Variants in PPP2R2C observed in about 807,000 individuals in gnomAD.
PPP2R2C encodes protein phosphatase 2, regulatory subunit B, gamma.
A neutral mutation model predicts 45.3 loss-of-function variants in PPP2R2C; 10 were observed. The ratio of observed to expected loss-of-function variants is 0.22; its 90% CI spans 0.14 to 0.37. PPP2R2C has a LOEUF of 0.37. PPP2R2C is among the 10% of genes least tolerant of loss of function. The probability of loss-of-function intolerance (pLI) is 1.00; values close to 1 mark genes in which losing one functional copy is unlikely to be tolerated. For missense variants in PPP2R2C, 308 were observed against 619.7 expected (o/e 0.50, Z 5.34); for synonymous variants, 257 against 245.4 (o/e 1.05, Z -0.44).
chr4:6,519,115 A>G (rs150826210), intron 2 of PPP2R2C, among the ~76,000 whole-genome samples: 1 of 152,240 alleles, frequency 6.6e-6, no homozygotes, highest in African/African-American at 2.4e-5. Flanking sequence ...CAGAATGGAG[A>G]GGATAGTGAG....
chr4:6,377,224 G>A (rs1431005343), intron 3 of PPP2R2C, among the ~76,000 whole-genome samples: 3 of 152,202 alleles, frequency 2.0e-5, no homozygotes, highest in Non-Finnish European at 4.4e-5. Flanking sequence ...AGCCTGGCTG[G>A]TGCTTGTGCA....
At chr4:6,546,575 C>A (rs941911097) in intron 1 of PPP2R2C, among the ~76,000 whole-genome samples, 1 of 152,176 alleles carries the variant, frequency 6.6e-6, no homozygotes, top group Non-Finnish European at 1.5e-5. Context: ...AGGCCTGCAC[C>A]CTTCACTAAG....
intron 8 of PPP2R2C, among the ~76,000 whole-genome samples, chr4:6,327,446 C>T (rs943854825): frequency 2.6e-5 from 4 of 152,222 alleles, no homozygotes; most frequent in Non-Finnish European, 4.4e-5. Context: ...ATCACCTGGC[C>T]GCGGGTGCCC....
At chr4:6,454,926 C>T (rs1273675715) in intron 1 of PPP2R2C, among the ~76,000 whole-genome samples, 1 of 152,168 alleles carries the variant, frequency 6.6e-6, no homozygotes, top group East Asian at 1.9e-4. Context: ...TATTATTTTG[C>T]CATGAAGACA....
chr4:6,332,664 C>T lies in PPP2R2C; in HGVS notation c.960+898G>A, dbSNP rs1732501555. Reference sequence around the variant, plus strand: ...CCCAGCCGAGAGACACCTCCCTCATCTCCCTACCTCTCAGTGCCCGAGTTC... The same window carrying T: ...CCCAGCCGAGAGACACCTCCCTCATTTCCCTACCTCTCAGTGCCCGAGTTC... On this transcript the variant is annotated intron_variant, in intron 7 of 8. Coordinates refer to ENST00000382599, the MANE Select transcript of PPP2R2C (RefSeq NM_020416.4). This position sits in a 1 kb window ranked among gnomAD's most constrained non-coding sequence, Gnocchi z 4.9. Among the ~76,000 whole-genome samples, 1 of 152,214 alleles carries T rather than the reference C, an allele frequency of 6.6e-6. No homozygotes were observed. Among genetic ancestry groups the T allele is most frequent in the African/African-American group, 2.4e-5 (1 of 41,464 alleles).
rs1253859838 is a variant in PPP2R2C, at chr4:6,345,651, G to A, written c.790+2195C>T. On this transcript the variant is annotated intron_variant, in intron 6 of 8. Coordinates refer to ENST00000382599, the MANE Select transcript of PPP2R2C (RefSeq NM_020416.4). This position sits in a 1 kb window ranked among gnomAD's most constrained non-coding sequence, Gnocchi z 5.3. ...AGAAGCCAGAAGAGGCAGGGAAAAC[G>A]GTGCTCCCCAGAGCCTCCCGAAGGT... 1.3e-5 allele frequency among the ~76,000 whole-genome samples: 2 copies of A among 152,270 alleles called. No homozygotes were observed. Among genetic ancestry groups the A allele is most frequent in the African/African-American group, 2.4e-5 (1 of 41,558 alleles).
rs566201156 is a variant in PPP2R2C, at chr4:6,525,008, C to T, written c.49+10263G>A. Among the ~76,000 whole-genome samples the T allele has an allele frequency of 1.2e-4, 18 of 152,242 alleles. No individual in the cohort carries two copies. In the South Asian group the frequency reaches 1.9e-3, roughly 16 times the overall value. On this transcript the variant is annotated intron_variant, in intron 2 of 9. Transcript: ENST00000506140. ...GGCTGAGGCAGAAGGATCACTTGAG[C>T]CCAGGAAGTTGAGGCTGCAGTGAGC...
At chr4:6,555,647 C>T (rs1285556693) in intron 1 of PPP2R2C, 1 of 152,274 alleles carries the variant, frequency 6.6e-6, no homozygotes, top group African/African-American at 2.4e-5. Flanking sequence ...TTTGCCGCAG[C>T]TCTGCACCAC....
chr4:6,348,116 G>A lies in PPP2R2C; in HGVS notation c.626-106C>T, dbSNP rs957857062. 45 of 1,313,800 alleles carry A rather than the reference G, an allele frequency of 3.4e-5. 1 individual carries two copies. In the East Asian group the frequency reaches 3.5e-4, roughly 10 times the overall value. 81.4% of individuals were successfully genotyped at this position (1,313,800 alleles called of 1,614,324 possible). On this transcript the variant is annotated intron_variant, in intron 5 of 8. Transcript: ENST00000382599. ...CCGAGGCAAAACCGTCCACCCTCGC[G>A]TCTGAGCTGCCTCTCTGTTCCTGAG...
Position 6,445,318 on chromosome 4 carries a change from G to A in PPP2R2C, c.70+26842C>T, listed in dbSNP as rs570118469. Among the ~76,000 whole-genome samples the A allele has an allele frequency of 5.9e-5, 9 of 152,298 alleles. No homozygotes were observed. In the East Asian group the frequency reaches 1.7e-3, roughly 29 times the overall value. The stretch of plus-strand genomic sequence containing the variant: ...TCACTATCTAGCTAAGACATGACCT[G>A]CCAGAATCATTTCCACACACATGTA... On this transcript the variant is annotated intron_variant, in intron 1 of 8. Coordinates refer to ENST00000382599, the MANE Select transcript of PPP2R2C (RefSeq NM_020416.4).
At chr4:6,478,525 G>GC (rs11430012) in intron 2 of PPP2R2C, among the ~76,000 whole-genome samples, 143,020 of 152,228 alleles carry the variant, frequency 0.94, 67,873 homozygotes, top group East Asian at 1. Flanking sequence ...AAATAACAGG[G>GC]CCCTGTTCGA....
chr4:6,387,532 C>T (rs1478439118), intron 1 of PPP2R2C, among the ~76,000 whole-genome samples: 5 of 152,218 alleles, frequency 3.3e-5, no homozygotes, highest in Admixed American at 2.6e-4. Context: ...AAGGGCAGGC[C>T]GGGCACAGTG....
chr4:6,368,479 C>G lies in PPP2R2C; in HGVS notation c.625+4044G>C, dbSNP rs2109285051. 6.6e-6 allele frequency among the ~76,000 whole-genome samples: 1 copy of G among 152,286 alleles called. No homozygotes were observed. Among genetic ancestry groups the G allele is most frequent in the South Asian group, 2.1e-4 (1 of 4,824 alleles). On this transcript the variant is annotated intron_variant, in intron 5 of 8. Coordinates refer to ENST00000382599, the MANE Select transcript of PPP2R2C (RefSeq NM_020416.4). The surrounding 1 kb of genome is among the most constrained non-coding windows in gnomAD (Gnocchi z 4.2). Reference sequence around the variant, plus strand: ...ACAGTAGGTGCTTAATAAATACCTGCTGGTAAATGGTGTGCTCTGCAACAT... The same window carrying G: ...ACAGTAGGTGCTTAATAAATACCTGGTGGTAAATGGTGTGCTCTGCAACAT...
Position 6,364,110 on chromosome 4 carries a change from G to A in PPP2R2C, c.625+8413C>T, listed in dbSNP as rs1276318450. 6.6e-6 allele frequency among the ~76,000 whole-genome samples: 1 copy of A among 152,324 alleles called. No individual in the cohort carries two copies. The highest frequency in any genetic ancestry group is 1.9e-4 in the East Asian group (1 of 5,184). On this transcript the variant is annotated intron_variant, in intron 5 of 8. Transcript: ENST00000382599. The surrounding 1 kb of genome is among the most constrained non-coding windows in gnomAD (Gnocchi z 5.3). ...GAGAGGCGGGAAATGAACAGGGAAC[G>A]AGGTAGAGGCCAAGCCTCTAGGGAA...
chr4:6,382,959 C>T, intron 1 of PPP2R2C: 1 of 1,074,978 alleles, frequency 9.3e-7, no homozygotes, highest in Non-Finnish European at 1.1e-6. Flanking sequence ...CAGCCCCCAC[C>T]TGCCGAGGCC....
At chr4:6,502,122 T>C (rs1035738998) in intron 2 of PPP2R2C, among the ~76,000 whole-genome samples, 1 of 152,168 alleles carries the variant, frequency 6.6e-6, no homozygotes, top group Admixed American at 6.5e-5. Context: ...TGAGGACGAA[T>C]GGATGCAATG....
rs73207854 is a variant in PPP2R2C, at chr4:6,466,429, G to A, written c.70+5731C>T. ...TTGCATATCCATGAAGCCAGCCCTG[G>A]AGCAAAGCCCTGGAAAATTCCTATA... On this transcript the variant is annotated intron_variant, in intron 1 of 8. Coordinates refer to ENST00000382599, the MANE Select transcript of PPP2R2C (RefSeq NM_020416.4). Among the ~76,000 whole-genome samples the A allele has an allele frequency of 1.6e-4, 24 of 152,254 alleles. 1 individual carries two copies. The highest frequency in any genetic ancestry group is 5.8e-4 in the African/African-American group (24 of 41,546).
At chr4:6,390,815 G>T (rs1716577472) in intron 1 of PPP2R2C, among the ~76,000 whole-genome samples, 1 of 152,166 alleles carries the variant, frequency 6.6e-6, no homozygotes, top group Non-Finnish European at 1.5e-5. Context: ...ATGAGTCCAG[G>T]CACCGCCCGG....
chr4:6,372,438 C>G lies in PPP2R2C; in HGVS notation c.625+85G>C, dbSNP rs1714911021. 9.8e-6 allele frequency: 14 copies of G among 1,431,888 alleles called. No homozygotes were observed. The South Asian group carries it at 1.7e-4, about 18-fold the overall frequency. 88.7% of individuals were successfully genotyped at this position (1,431,888 alleles called of 1,614,324 possible). A position where few individuals can be genotyped will look rare whatever the true frequency, so the allele number is the denominator to read the frequency against. The stretch of plus-strand genomic sequence containing the variant: ...AACAATGCAGCCATCCCCAAACCAG[C>G]TGTCTGCCAATCAAACCAAACCCAC... On this transcript the variant is annotated intron_variant, in intron 5 of 8. Coordinates refer to ENST00000382599, the MANE Select transcript of PPP2R2C (RefSeq NM_020416.4).
Sources: gnomAD v4.1 joint callset for allele counts (sites outside exome capture counted in the v4.1 genomes callset) on GRCh38, gnomAD v4.1.1 for gene constraint, Gnocchi (gnomAD v3.1) non-coding constraint, MANE v1.5 for transcripts, NCBI Gene and HGNC (gene_info 2026-07-23, HGNC 2026-07-21) for gene names.